WDR26: variants seen among roughly 807,000 people sequenced by gnomAD.
The protein encoded by WDR26 is WD repeat domain 26, also known as WD repeat-containing protein 26.
A neutral mutation model predicts 84.1 loss-of-function variants in WDR26; 5 were observed. The observed-to-expected ratio is 0.06, with a 90% CI of 0.03 to 0.13. The LOEUF (loss-of-function observed/expected upper bound fraction) is 0.13. Ranked by LOEUF, WDR26 falls within the 10% of genes least tolerant of loss-of-function variation. The pLI is 1.00. For missense variants in WDR26, 642 were observed against 974.9 expected, an observed-to-expected ratio of 0.66 and a Z score of 4.55; for synonymous variants, 415 against 389.6, an observed-to-expected ratio of 1.07 and a Z score of -0.77.
At chr1:224,404,341 A>G (rs1355099398) in intron 8 of WDR26, 89 bp downstream of exon 8, 2 of 1,442,806 alleles carry the variant, frequency 1.4e-6, no homozygotes, top group East Asian at 5.0e-5. Flanking sequence ...TTGAATGGTT[A>G]TATTATATAA....
chr1:224,402,887 C>G (rs1345800136), intron 8 of WDR26, among the ~76,000 whole-genome samples: 1 of 152,036 alleles, frequency 6.6e-6, no homozygotes, highest in Non-Finnish European at 1.5e-5. Flanking sequence ...GGATTTTGAT[C>G]ATGAGTACTA....
chr1:224,399,934 T>C (rs1673364876), intron 9 of WDR26, among the ~76,000 whole-genome samples: 1 of 152,196 alleles, frequency 6.6e-6, no homozygotes, highest in Admixed American at 6.5e-5. Flanking sequence ...ATCACACCAA[T>C]GTACTCTAGC....
intron 6 of WDR26, among the ~76,000 whole-genome samples, chr1:224,417,705 A>C (rs1290212726): frequency 6.6e-6 from 1 of 152,228 alleles, no homozygotes; most frequent in Non-Finnish European, 1.5e-5. Context: ...CTAAAAAAGA[A>C]ACCAACAAAA....
intron 7 of WDR26, among the ~76,000 whole-genome samples, chr1:224,405,844 T>C (rs1162191984): frequency 6.6e-6 from 1 of 152,192 alleles, no homozygotes; most frequent in Non-Finnish European, 1.5e-5. Context: ...TCCCTGTGTG[T>C]GAAAAGCCAC....
At chr1:224,417,322 T>C (rs1673934109) in intron 6 of WDR26, among the ~76,000 whole-genome samples, 1 of 152,234 alleles carries the variant, frequency 6.6e-6, no homozygotes, top group Non-Finnish European at 1.5e-5. Flanking sequence ...TTCTCTATTC[T>C]CCTTTTTGTT....
chr1:224,392,269 G>C (rs533464741), intron 13 of WDR26, among the ~76,000 whole-genome samples: 3 of 151,958 alleles, frequency 2.0e-5, no homozygotes, highest in African/African-American at 7.2e-5. Context: ...GCTGAGGCAG[G>C]AGAATGGCGT....
intron 1 of WDR26, 108 bp from the exon 2 acceptor site, chr1:224,431,889 A>C (rs533811539): frequency 2.2e-5 from 18 of 823,988 alleles, no homozygotes; most frequent in Non-Finnish European, 3.1e-5. Context: ...AGCTAGCCTC[A>C]TGATGAAGAA....
chr1:224,403,711 C>A (rs566048717), intron 8 of WDR26, among the ~76,000 whole-genome samples: 2 of 152,280 alleles, frequency 1.3e-5, no homozygotes, highest in Admixed American at 6.5e-5. Context: ...CCGAGGCAGG[C>A]GGATCACTTT....
In WDR26 at chr1:224,415,453, C is replaced by CTTTTTTTTTTTTT. The variant is rs149995544; in HGVS notation, c.1319+2794_1319+2806dup. Among the ~76,000 whole-genome samples the CTTTTTTTTTTTTT allele has an allele frequency of 1.9e-3, 157 of 82,340 alleles. 13 individuals carry two copies. Among genetic ancestry groups the CTTTTTTTTTTTTT allele is most frequent in the African/African-American group, 6.6e-3 (136 of 20,578 alleles). The allele number at this position is 82,340 out of a possible 152,430, so 54.0% of individuals were successfully genotyped here. ...ACAATTCTGGAACACGTATTTCTTT[C>CTTTTTTTTTTTTT]TTTTTTTTTTTTTTTTTTTTTTTTT... On this transcript the variant is annotated intron_variant, in intron 6 of 13. Transcript: ENST00000414423.
rs963918692 is a variant in WDR26, at chr1:224,389,356, G to T, written c.*479C>A. 7.4e-5 allele frequency: 19 copies of T among 255,464 alleles called. No homozygotes were observed. The highest frequency in any genetic ancestry group is 1.1e-4 in the Non-Finnish European group (15 of 136,604). The allele number at this position is 255,464 out of a possible 1,614,324, so 15.8% of individuals were successfully genotyped here. On this transcript the variant is annotated 3_prime_UTR_variant, in exon 14 of 14. Transcript: ENST00000414423. The stretch of plus-strand genomic sequence containing the variant: ...CAAAGATCTCAAGCTAAATAAGGCG[G>T]AAAGATTTGGAGAAACAAAAGAAGG...
At chr1:224,395,280 G>C (rs544808852) in intron 12 of WDR26, among the ~76,000 whole-genome samples, 23 of 152,336 alleles carry the variant, frequency 1.5e-4, no homozygotes, top group Admixed American at 7.8e-4. Flanking sequence ...ACGAGATTAA[G>C]TACAGGTGAT....
intron 4 of WDR26, among the ~76,000 whole-genome samples, chr1:224,420,850 G>A (rs1327946191): frequency 7.2e-5 from 11 of 152,054 alleles, no homozygotes; most frequent in South Asian, 2.1e-4. Context: ...CGCCCGCCTC[G>A]GCCTCCCAAA....
chr1:224,415,918 T>A (rs1673890181), intron 6 of WDR26, among the ~76,000 whole-genome samples: 1 of 152,206 alleles, frequency 6.6e-6, no homozygotes, highest in African/African-American at 2.4e-5. Flanking sequence ...CTGGAAAATA[T>A]CCACTGAATG....
At chr1:224,424,375 T>G in intron 4 of WDR26, 143 bp downstream of exon 4, 1 of 1,105,300 alleles carries the variant, frequency 9.0e-7, no homozygotes, top group South Asian at 1.6e-5. Context: ...ATGACCAAAA[T>G]AGTTGATCCA....
chr1:224,406,257 C>G (rs1673546270), intron 7 of WDR26, among the ~76,000 whole-genome samples: 3 of 152,140 alleles, frequency 2.0e-5, no homozygotes, highest in Non-Finnish European at 4.4e-5. Context: ...CAAAGACAAC[C>G]TCCAGATTTC....
At position 224,387,778 on chromosome 1, in the gene WDR26, A is replaced by C. The variant is rs1319149852; in HGVS notation, c.*2057T>G. The C allele has an allele frequency of 6.6e-6, 1 of 152,644 alleles. No homozygotes were observed. Among genetic ancestry groups the C allele is most frequent in the African/African-American group, 2.4e-5 (1 of 41,440 alleles). The allele number at this position is 152,644 out of a possible 1,614,324, so 9.5% of individuals were successfully genotyped here. ...TATTAACGGCTTCAGGGTATACATG[A>C]ATCACTTAAAATATGAATGGTTTTT... is the stretch of plus-strand genomic sequence containing the variant. On this transcript the variant is annotated 3_prime_UTR_variant, in exon 14 of 14. Transcript: ENST00000414423.
chr1:224,430,368 AC>A (rs1674357383), intron 3 of WDR26: 1 of 152,122 alleles, frequency 6.6e-6, no homozygotes, highest in Admixed American at 6.5e-5. Flanking sequence ...ATAATACACT[AC>A]ATCATCAATT....
At chr1:224,420,989 T>A (rs1674045397) in intron 4 of WDR26, among the ~76,000 whole-genome samples, 1 of 152,226 alleles carries the variant, frequency 6.6e-6, no homozygotes, top group South Asian at 2.1e-4. Context: ...TGTTCATTTT[T>A]AAAATTTTAC....
intron 4 of WDR26, among the ~76,000 whole-genome samples, chr1:224,420,940 T>C (rs1285332052): frequency 1.3e-5 from 2 of 152,206 alleles, no homozygotes; most frequent in Non-Finnish European, 2.9e-5. Flanking sequence ...AAACAACTTT[T>C]TTTGGGCAAA....
Sources: gnomAD v4.1 joint callset for allele counts (sites outside exome capture counted in the v4.1 genomes callset) on GRCh38, gnomAD v4.1.1 for gene constraint, MANE v1.5 for transcripts, NCBI Gene and HGNC (gene_info 2026-07-23, HGNC 2026-07-21) for gene names.